Variants in PARD3 observed in about 807,000 individuals in gnomAD.
The protein encoded by PARD3 is par-3 family cell polarity regulator.
A neutral mutation model predicts 155.4 loss-of-function variants in PARD3; 75 were observed. The ratio of observed to expected loss-of-function variants is 0.48; its 90% CI spans 0.40 to 0.58. The LOEUF is 0.58. Ranked by LOEUF, PARD3 falls within the 20% of genes least tolerant of loss-of-function variation. The pLI is 0.00. For synonymous variants in PARD3, 576 were observed against 610.5 expected, an observed-to-expected ratio of 0.94 and a Z score of 0.83; for missense variants, 1,642 against 1,721.7, an observed-to-expected ratio of 0.95 and a Z score of 0.82.
intron 2 of PARD3, among the ~76,000 whole-genome samples, chr10:34,645,406 G>A (rs950456225): frequency 1.3e-5 from 2 of 151,006 alleles, no homozygotes; most frequent in Non-Finnish European, 3.0e-5. Flanking sequence ...GGGTTTCATC[G>A]TGTTGACCAG....
Position 34,470,113 on chromosome 10 carries a change from G to A in PARD3, c.554C>T (p.Ala185Val). 1.2e-6 allele frequency: 2 copies of A among 1,611,958 alleles called. No individual in the cohort carries two copies. The highest frequency in any genetic ancestry group is 1.7e-6 in the Non-Finnish European group (2 of 1,179,074). ...CCTGTCGCAGGTTTTAGGACTCCCA[G>A]CAGTGTTCTGCTTGAGGAAGCCAGC... ...TTAGFLKQNT[A>V]GSPKTCDRKK... is the part of the protein sequence containing the mutation. The change falls in exon 4 of 25, where the codon GCT becomes GTT. Residue 185 changes from alanine (A) to valine (V), a missense_variant. By Grantham distance (64) the Ala-to-Val change is moderately conservative. Around this residue, in one of 3 missense-constraint regions of PARD3, gnomAD observed 1,529 missense variants for 1,587.3 expected, o/e 0.96. Transcript: ENST00000374788.
intron 3 of PARD3, among the ~76,000 whole-genome samples, chr10:34,501,153 G>T (rs2080673082): frequency 6.6e-6 from 1 of 152,020 alleles, no homozygotes; most frequent in Admixed American, 6.6e-5. Flanking sequence ...TTGGATACTT[G>T]CCCCCTGCCC....
intron 2 of PARD3, among the ~76,000 whole-genome samples, chr10:34,694,074 A>G (rs1187523377): frequency 6.6e-6 from 1 of 151,870 alleles, no homozygotes; most frequent in East Asian, 1.9e-4. Flanking sequence ...TGCATTTTCC[A>G]ATTTTTCCTC....
At chr10:34,276,410 A>G (rs544586776) in intron 21 of PARD3, among the ~76,000 whole-genome samples, 1 of 152,256 alleles carries the variant, frequency 6.6e-6, no homozygotes, top group African/African-American at 2.4e-5. Context: ...CTTGACATCA[A>G]TTAATGATTT....
At position 34,806,744 on chromosome 10, in the gene PARD3, G is replaced by A. The variant is rs547611651; in HGVS notation, c.120+8132C>T. Among the ~76,000 whole-genome samples the A allele has an allele frequency of 7.2e-5, 11 of 152,330 alleles. No homozygotes were observed. The East Asian group carries it at 1.7e-3, about 24-fold the overall frequency. ...GTGAGGCAAAATATTCTCACAGCAT[G>A]GAGGGAAGCAGTAAGAGGTCCTGGA... On this transcript the variant is annotated intron_variant, in intron 1 of 24. Coordinates refer to ENST00000374788, the MANE Select transcript of PARD3 (RefSeq NM_001184785.2).
intron 5 of PARD3, among the ~76,000 whole-genome samples, chr10:34,423,731 T>C (rs2075440774): frequency 6.6e-6 from 1 of 152,172 alleles, no homozygotes; most frequent in Admixed American, 6.5e-5. Context: ...AAAAAGCTAG[T>C]AATGTTATTA....
chr10:34,144,356 C>T (rs1486027724), intron 22 of PARD3, among the ~76,000 whole-genome samples: 1 of 152,134 alleles, frequency 6.6e-6, no homozygotes, highest in African/African-American at 2.4e-5. Context: ...AGCTTTCAGT[C>T]GTTTTCTATG....
intron 22 of PARD3, among the ~76,000 whole-genome samples, chr10:34,161,245 GAAAA>G (rs373658384): frequency 1.1e-4 from 13 of 118,584 alleles, no homozygotes; most frequent in Non-Finnish European, 1.8e-4. Context: ...ACCCTGTCTT[GAAAA>G]AAAAAAAAAA....
intron 1 of PARD3, among the ~76,000 whole-genome samples, chr10:34,743,051 T>C (rs756867731): frequency 7.2e-5 from 11 of 152,250 alleles, no homozygotes; most frequent in Non-Finnish European, 1.5e-4. Context: ...AATTCATATG[T>C]TGAAGGCCTA....
At chr10:34,792,778 G>A (rs1841821452) in intron 1 of PARD3, among the ~76,000 whole-genome samples, 1 of 152,204 alleles carries the variant, frequency 6.6e-6, no homozygotes, top group Non-Finnish European at 1.5e-5. Context: ...GAACACCCTC[G>A]CCAAAGAAGG....
chr10:34,344,870 T>C (rs559442510), intron 15 of PARD3: 2 of 985,378 alleles, frequency 2.0e-6, no homozygotes, highest in African/African-American at 3.5e-5. Context: ...GGTTCAGAAG[T>C]ACAGAAAGTG....
chr10:34,185,476 A>T (rs541279754), intron 22 of PARD3, among the ~76,000 whole-genome samples: 1 of 152,330 alleles, frequency 6.6e-6, no homozygotes, highest in African/African-American at 2.4e-5. Flanking sequence ...ACAGAAAAAG[A>T]CAAAAGGAAA....
At chr10:34,620,539 G>A (rs147465036) in intron 2 of PARD3, among the ~76,000 whole-genome samples, 2 of 152,212 alleles carry the variant, frequency 1.3e-5, no homozygotes, top group African/African-American at 2.4e-5. Context: ...CAAAGGAAAC[G>A]ACGAGGCTGT....
chr10:34,118,020 T>G (rs1395986578), intron 24 of PARD3, among the ~76,000 whole-genome samples: 1 of 152,164 alleles, frequency 6.6e-6, no homozygotes, highest in Non-Finnish European at 1.5e-5. Context: ...GCTAGCTGTG[T>G]GAGCTGGGGG....
chr10:34,230,351 C>G (rs1459066457), intron 22 of PARD3, among the ~76,000 whole-genome samples: 1 of 152,146 alleles, frequency 6.6e-6, no homozygotes, highest in African/African-American at 2.4e-5. Context: ...CCCCTTCTAC[C>G]TCTACTCCAG....
In PARD3 at chr10:34,491,478, T is replaced by C. The variant is rs2079902412; in HGVS notation, c.404-21215A>G. ...TTTTCTAACACCTCTTTGAATTTTT[T>C]CATGAAATATGTTTATGTTTGTCCC... On this transcript the variant is annotated intron_variant, in intron 3 of 24. Transcript: ENST00000374788. 2.0e-5 allele frequency among the ~76,000 whole-genome samples: 3 copies of C among 152,342 alleles called. No homozygotes were observed. In the South Asian group the frequency reaches 6.2e-4, roughly 32 times the overall value.
intron 2 of PARD3, among the ~76,000 whole-genome samples, chr10:34,666,777 T>TCAAAAAAAAAAAAA (rs1554804561): frequency 1.2e-4 from 2 of 17,052 alleles, no homozygotes; most frequent in African/African-American, 2.8e-4. Flanking sequence ...CCCCTCCCCC[T>TCAAAAAAAAAAAAA]AAAAAAAAAA....
intron 14 of PARD3, among the ~76,000 whole-genome samples, chr10:34,351,361 C>T (rs1838060935): frequency 6.6e-6 from 1 of 152,092 alleles, no homozygotes; most frequent in Non-Finnish European, 1.5e-5. Flanking sequence ...TCATAATTTC[C>T]TTAAAACACA....
At chr10:34,556,618 G>T (rs1406829034) in intron 2 of PARD3, among the ~76,000 whole-genome samples, 2 of 152,084 alleles carry the variant, frequency 1.3e-5, no homozygotes, top group Non-Finnish European at 2.9e-5. Flanking sequence ...TCCTGACCTC[G>T]TGATCCGCCC....
Sources: gnomAD v4.1 joint callset for allele counts (sites outside exome capture counted in the v4.1 genomes callset) on GRCh38, gnomAD v4.1.1 for gene constraint, gnomAD v4.1.1 regional missense constraint, MANE v1.5 for transcripts, NCBI Gene and HGNC (gene_info 2026-07-23, HGNC 2026-07-21) for gene names.